SQOR: variants seen among roughly 807,000 people sequenced by gnomAD.
The protein encoded by SQOR is sulfide quinone oxidoreductase, also known as sulfide:quinone oxidoreductase, mitochondrial.
Under a neutral mutation model 48.6 loss-of-function variants are expected in SQOR, and 39 were observed. The observed-to-expected ratio is 0.80, with a 90% CI of 0.62 to 1.05. The LOEUF (loss-of-function observed/expected upper bound fraction) is 1.05, where lower values mean the gene tolerates loss of function less well. Ranked by LOEUF, SQOR falls within the 50% of genes least tolerant of loss-of-function variation. SQOR has a pLI of 0.00. For missense variants in SQOR, 561 were observed against 559.9 expected, an observed-to-expected ratio of 1.00 and a Z score of -0.02; for synonymous variants, 220 against 206.2, an observed-to-expected ratio of 1.07 and a Z score of -0.57.
chr15:45,669,930 C>A lies in SQOR; in HGVS notation c.408C>A (p.Ile136=), dbSNP rs1191295962. The A allele has an allele frequency of 1.9e-6, 3 of 1,613,788 alleles. No individual in the cohort carries two copies. Among genetic ancestry groups the A allele is most frequent in the Non-Finnish European group, 2.5e-6 (3 of 1,179,778 alleles). The change falls in exon 4 of 10, where the codon ATC becomes ATA. Residue 136 remains isoleucine, a splice_region_variant and synonymous_variant. Coordinates refer to ENST00000260324, the MANE Select transcript of SQOR (RefSeq NM_021199.4). ...AATAATGTCTTTTTGTGTTGCAGAT[C>A]TCCTACCGATATCTTATTATTGCTC... is the stretch of plus-strand genomic sequence containing the variant. The part of the protein sequence containing the change: ...NCIHTDDDEK[I]SYRYLIIALG...
chr15:45,641,703 C>T (rs1895106939), intron 1 of SQOR, among the ~76,000 whole-genome samples: 1 of 152,192 alleles, frequency 6.6e-6, no homozygotes, highest in South Asian at 2.1e-4. Context: ...TATCCTTTCT[C>T]GGAACAACAC....
intron 6 of SQOR, among the ~76,000 whole-genome samples, chr15:45,680,154 C>T (rs927404639): frequency 3.9e-5 from 6 of 152,240 alleles, no homozygotes; most frequent in African/African-American, 9.6e-5. Flanking sequence ...GTGGTACAAC[C>T]GTGGCTCATG....
At chr15:45,638,574 A>G (rs1566912954) in intron 1 of SQOR, among the ~76,000 whole-genome samples, 2 of 151,984 alleles carry the variant, frequency 1.3e-5, no homozygotes, top group African/African-American at 4.8e-5. Flanking sequence ...AATTCAAAAT[A>G]TTAGCTGGGT....
intron 1 of SQOR, among the ~76,000 whole-genome samples, chr15:45,646,392 A>T (rs1889342201): frequency 6.6e-6 from 1 of 152,164 alleles, no homozygotes; most frequent in Admixed American, 6.5e-5. Context: ...CCTGCTGCTG[A>T]TGCATTGTGT....
chr15:45,660,454 C>T (rs185422084), intron 2 of SQOR, among the ~76,000 whole-genome samples: 2 of 152,254 alleles, frequency 1.3e-5, no homozygotes, highest in East Asian at 1.9e-4. Context: ...TTAGCTAATG[C>T]GTGGGCGGGT....
chr15:45,643,203 T>C (rs978462874), intron 1 of SQOR, among the ~76,000 whole-genome samples: 8 of 152,274 alleles, frequency 5.3e-5, no homozygotes, highest in Admixed American at 5.2e-4. Flanking sequence ...GACACATTCT[T>C]TTTTCTTTTT....
intron 9 of SQOR, among the ~76,000 whole-genome samples, chr15:45,690,214 C>A (rs1360391851): frequency 6.6e-6 from 1 of 151,738 alleles, no homozygotes; most frequent in Non-Finnish European, 1.5e-5. Context: ...TACAGGAATG[C>A]ACCACCATGC....
chr15:45,671,472 G>A (rs1889941882), intron 4 of SQOR, among the ~76,000 whole-genome samples: 1 of 152,114 alleles, frequency 6.6e-6, no homozygotes, highest in South Asian at 2.1e-4. Context: ...ATCAAAAATT[G>A]ATTCTTTACA....
At chr15:45,647,245 T>C (rs1349476762) in intron 1 of SQOR, among the ~76,000 whole-genome samples, 2 of 151,580 alleles carry the variant, frequency 1.3e-5, no homozygotes, top group African/African-American at 4.9e-5. Flanking sequence ...TGAAACTCTG[T>C]TAGAAAAAAA....
At chr15:45,650,056 T>G (rs1219680814) in intron 1 of SQOR, among the ~76,000 whole-genome samples, 1 of 151,958 alleles carries the variant, frequency 6.6e-6, no homozygotes, top group Non-Finnish European at 1.5e-5. Flanking sequence ...TTGGCCAGGC[T>G]GGTCTTTAAC....
intron 2 of SQOR, among the ~76,000 whole-genome samples, chr15:45,659,934 G>A (rs1057196396): frequency 6.6e-6 from 1 of 152,172 alleles, no homozygotes; most frequent in Non-Finnish European, 1.5e-5. Flanking sequence ...ATCTGTTCCT[G>A]TCTGGAGAAG....
At chr15:45,682,035 C>T (rs756405159) in intron 6 of SQOR, among the ~76,000 whole-genome samples, 2 of 152,186 alleles carry the variant, frequency 1.3e-5, no homozygotes, top group African/African-American at 2.4e-5. Context: ...ATATCCTTTA[C>T]AAGTTTAAGG....
At chr15:45,658,766 G>C (rs1173034588) in intron 1 of SQOR, 141 bp from the exon 2 acceptor site, 1 of 608,618 alleles carries the variant, frequency 1.6e-6, no homozygotes, top group Non-Finnish European at 2.7e-6. Flanking sequence ...ACCACAGCCA[G>C]TGGGGAAAGT....
Position 45,676,204 on chromosome 15 carries a change from G to T in SQOR, c.758G>T (p.Arg253Leu), listed in dbSNP as rs182326393. 1 of 1,614,072 alleles carries T rather than the reference G, an allele frequency of 6.2e-7. No individual in the cohort carries two copies. Among genetic ancestry groups the T allele is most frequent in the African/African-American group, 1.3e-5 (1 of 75,024 alleles). ...ADALQEIIQE[R>L]NLTVNYKKNL... ...GCCCTGCAGGAGATCATCCAGGAGCGGAACCTCACTGTTAACTACAAGAAA... is the reference window on the plus strand; with the variant it reads ...GCCCTGCAGGAGATCATCCAGGAGCTGAACCTCACTGTTAACTACAAGAAA... The change falls in exon 6 of 10, where the codon CGG becomes CTG. Residue 253 changes from arginine (R) to leucine (L), a missense_variant. By Grantham distance (102) the Arg-to-Leu change is moderately radical. Transcript: ENST00000260324.
chr15:45,664,413 T>C (rs1889774847), intron 3 of SQOR, among the ~76,000 whole-genome samples: 1 of 152,320 alleles, frequency 6.6e-6, no homozygotes, highest in East Asian at 1.9e-4. Flanking sequence ...ATGTTTTATG[T>C]AAATTTTCTC....
chr15:45,640,673 C>G (rs636910), intron 1 of SQOR, among the ~76,000 whole-genome samples: 56,076 of 152,026 alleles, frequency 0.37, 11,479 homozygotes, highest in East Asian at 0.73. Context: ...TGGCCAGTCC[C>G]GTTTACAGTG....
At chr15:45,638,675 G>C (rs1429790378) in intron 1 of SQOR, among the ~76,000 whole-genome samples, 1 of 151,240 alleles carries the variant, frequency 6.6e-6, no homozygotes, top group Non-Finnish European at 1.5e-5. Context: ...ATTGAGCCAA[G>C]ATTATCATGC....
intron 4 of SQOR, among the ~76,000 whole-genome samples, chr15:45,671,557 T>C (rs1418956114): frequency 6.6e-6 from 1 of 152,224 alleles, no homozygotes; most frequent in Non-Finnish European, 1.5e-5. Flanking sequence ...GTAATAACCA[T>C]GGTCACTGTG....
chr15:45,648,241 G>A (rs1595571487), intron 1 of SQOR, among the ~76,000 whole-genome samples: 2 of 151,690 alleles, frequency 1.3e-5, no homozygotes, highest in Non-Finnish European at 1.5e-5. Context: ...GCAGTGGCAC[G>A]ATCTTGGCTC....
Sources: allele counts gnomAD v4.1 joint callset (sites outside exome capture counted in the v4.1 genomes callset), GRCh38; gene constraint gnomAD v4.1.1; transcripts MANE v1.5; gene names NCBI Gene and HGNC (gene_info 2026-07-23, HGNC 2026-07-21).